CFAP44: variants seen among roughly 807,000 people sequenced by gnomAD.
CFAP44 encodes cilia- and flagella-associated protein 44.
A neutral mutation model predicts 216.2 loss-of-function variants in CFAP44; 134 were observed. The ratio of observed to expected loss-of-function variants is 0.62; its 90% CI spans 0.54 to 0.72. The LOEUF (loss-of-function observed/expected upper bound fraction) is 0.72. CFAP44 is among the 30% of genes least tolerant of loss of function. CFAP44 has a pLI of 0.00. For missense variants in CFAP44, 2,035 were observed against 2,182.1 expected (o/e 0.93, Z 1.34); for synonymous variants, 700 against 727.6 (o/e 0.96, Z 0.61).
chr3:113,358,261 T>G (rs774764621), intron 22 of CFAP44, among the ~76,000 whole-genome samples: 1 of 152,172 alleles, frequency 6.6e-6, no homozygotes, highest in African/African-American at 2.4e-5. Flanking sequence ...TATTTATACA[T>G]CTGTAAAAAA....
chr3:113,364,587 T>A (rs976683867), intron 19 of CFAP44, among the ~76,000 whole-genome samples: 4 of 152,178 alleles, frequency 2.6e-5, no homozygotes, highest in Non-Finnish European at 2.9e-5. Flanking sequence ...GGTTTTCTAA[T>A]ATCAGTGTAA....
chr3:113,330,496 T>A lies in CFAP44; in HGVS notation c.3788A>T (p.Glu1263Val), dbSNP rs1950232043. 1 of 1,537,120 alleles carries A rather than the reference T, an allele frequency of 6.5e-7. No individual in the cohort carries two copies. The highest frequency in any genetic ancestry group is 1.4e-5 in the African/African-American group (1 of 73,024). ...IPKIPQIHPE[E>V]VPEKRFQYDE... ...ATACTGAAATCTCTTTTCTGGAACTTCTTCTGGGTGTATCTGAGGAATTTT... is the reference window on the plus strand; with the variant it reads ...ATACTGAAATCTCTTTTCTGGAACTACTTCTGGGTGTATCTGAGGAATTTT... Residue 1263 changes from glutamate to valine, a missense_variant, in exon 26 of 35, where the codon GAA (glutamate) becomes GTA (valine). Transcript: ENST00000393845.
chr3:113,396,821 AT>A, intron 13 of CFAP44, 94 bp from the exon 14 acceptor site: 1 of 1,259,920 alleles, frequency 7.9e-7, no homozygotes, highest in Non-Finnish European at 1.1e-6. Flanking sequence ...AGGTAATTTA[AT>A]ATTGGCTGCC....
At chr3:113,385,609 T>A (rs2107342900) in intron 15 of CFAP44, among the ~76,000 whole-genome samples, 1 of 152,208 alleles carries the variant, frequency 6.6e-6, no homozygotes, top group East Asian at 1.9e-4. Flanking sequence ...CTATTTGGCC[T>A]ATGGTGTTAT....
rs11925399 is a variant in CFAP44, at chr3:113,324,199, C to T, written c.4516+2246G>A. Among the ~76,000 whole-genome samples the T allele has an allele frequency of 1.9e-3, 289 of 152,256 alleles. 2 individuals carry two copies. The highest frequency in any genetic ancestry group is 5.7e-3 in the African/African-American group (237 of 41,566). On this transcript the variant is annotated intron_variant, in intron 28 of 34. Transcript: ENST00000393845. The stretch of plus-strand genomic sequence containing the variant: ...CTAAGTGTTTAAAGAATAATTACCA[C>T]CAATTCCATGCAAGATCTTCCAGAA...
chr3:113,407,367 C>T (rs1234651177), intron 7 of CFAP44, among the ~76,000 whole-genome samples: 1 of 152,122 alleles, frequency 6.6e-6, no homozygotes, highest in Non-Finnish European at 1.5e-5. Flanking sequence ...TAAATAAAAT[C>T]AACATTTTAG....
At chr3:113,370,740 C>G (rs557493633) in intron 18 of CFAP44, among the ~76,000 whole-genome samples, 1 of 152,076 alleles carries the variant, frequency 6.6e-6, no homozygotes, top group Middle Eastern at 3.2e-3. Context: ...GGCAAACAGG[C>G]AAGAGAAAGA....
intron 19 of CFAP44, among the ~76,000 whole-genome samples, chr3:113,363,866 G>C (rs1459489383): frequency 1.3e-5 from 2 of 152,002 alleles, no homozygotes; most frequent in African/African-American, 2.4e-5. Context: ...CAAAAGTCTA[G>C]ATCATTTATT....
At chr3:113,367,877 G>C (rs1465914343) in intron 18 of CFAP44, among the ~76,000 whole-genome samples, 1 of 152,172 alleles carries the variant, frequency 6.6e-6, no homozygotes, top group African/African-American at 2.4e-5. Context: ...AGAATGAACA[G>C]TGTAGAGAAG....
In CFAP44 at chr3:113,396,971, A is replaced by G. The variant is rs137913414; in HGVS notation, c.1570-244T>C. 2.0e-4 allele frequency among the ~76,000 whole-genome samples: 30 copies of G among 152,346 alleles called. No homozygotes were observed. In the East Asian group the frequency reaches 4.2e-3, roughly 22 times the overall value. ...AAACAGCAGAGTGTCTGCCTACCAC[A>G]TGCTAAGCACCTATCATCAGCAACT... On this transcript the variant is annotated intron_variant, in intron 13 of 34. Transcript: ENST00000393845.
chr3:113,409,006 CAAAAAAAAAAAAA>C (rs56301009), intron 7 of CFAP44, 87 bp downstream of exon 7: 4 of 319,554 alleles, frequency 1.3e-5, no homozygotes, highest in South Asian at 1.1e-4. Context: ...ACCAAAACAG[CAAAAAAAAAAAAA>C]AAAAAAAAAA....
chr3:113,325,592 T>C (rs1488598623), intron 28 of CFAP44, among the ~76,000 whole-genome samples: 1 of 151,926 alleles, frequency 6.6e-6, no homozygotes, highest in Non-Finnish European at 1.5e-5. Context: ...CTACGGCATA[T>C]TGTGCTTTCC....
At chr3:113,333,120 T>C (rs1950254584) in intron 25 of CFAP44, among the ~76,000 whole-genome samples, 2 of 152,224 alleles carry the variant, frequency 1.3e-5, no homozygotes, top group Admixed American at 6.5e-5. Flanking sequence ...CTGCCATACC[T>C]GTCAGGCAAT....
chr3:113,342,985 A>AAAAT (rs1016604832), intron 23 of CFAP44, among the ~76,000 whole-genome samples: 4 of 150,458 alleles, frequency 2.7e-5, no homozygotes, highest in African/African-American at 4.9e-5. Context: ...CTCTGTATCA[A>AAAAT]AAATAAATAA....
chr3:113,347,509 T>G (rs1429263506), intron 22 of CFAP44, among the ~76,000 whole-genome samples: 2 of 152,212 alleles, frequency 1.3e-5, no homozygotes, highest in African/African-American at 4.8e-5. Flanking sequence ...CTGGTGCTTT[T>G]CTAGTTTCTC....
Position 113,332,885 on chromosome 3 carries a change from T to C in CFAP44, c.3615+521A>G, listed in dbSNP as rs571557648. On this transcript the variant is annotated intron_variant, in intron 25 of 34. Transcript: ENST00000393845. ...AAAACTACATCCAATGAGGATTTGT[T>C]TGAATTTCAGAGGTTCAAAGTCCAC... Among the ~76,000 whole-genome samples, 89 of 152,350 alleles carry C rather than the reference T, an allele frequency of 5.8e-4. 2 individuals are homozygous for C. The South Asian group carries it at 0.017, about 29-fold the overall frequency.
chr3:113,393,524 C>T (rs2107351285), intron 15 of CFAP44, among the ~76,000 whole-genome samples: 1 of 152,166 alleles, frequency 6.6e-6, no homozygotes, highest in Admixed American at 6.5e-5. Flanking sequence ...TCCCCACTCC[C>T]TCTTTTGTTT....
rs79269467 is a variant in CFAP44, at chr3:113,291,455, C to A, written c.*102G>T. 34 of 1,336,458 alleles carry A rather than the reference C, an allele frequency of 2.5e-5. No individual in the cohort carries two copies. Among genetic ancestry groups the A allele is most frequent in the African/African-American group, 4.4e-5 (3 of 67,784 alleles). 82.8% of individuals were successfully genotyped at this position (1,336,458 alleles called of 1,614,324 possible). On this transcript the variant is annotated 3_prime_UTR_variant, in exon 35 of 35. Transcript: ENST00000393845. ...CTGGATCTGGTTTTACACTTTCAGG[C>A]GAGTTCAGTTTAAAGTAATAAGATT...
At chr3:113,412,066 G>T (rs1934493549) in intron 6 of CFAP44, among the ~76,000 whole-genome samples, 1 of 152,106 alleles carries the variant, frequency 6.6e-6, no homozygotes, top group South Asian at 2.1e-4. Context: ...CATATTGAAT[G>T]GGCAAAAACT....
Sources: gnomAD v4.1 joint callset for allele counts (sites outside exome capture counted in the v4.1 genomes callset) on GRCh38, gnomAD v4.1.1 for gene constraint, MANE v1.5 for transcripts, NCBI Gene and HGNC (gene_info 2026-07-23, HGNC 2026-07-21) for gene names.